ERICH6B: variants seen among roughly 807,000 people sequenced by gnomAD.
The protein encoded by ERICH6B is glutamate rich 6B, also known as glutamate-rich protein 6B.
ERICH6B carries 69 observed loss-of-function variants against 80.0 expected under a neutral mutation model. The ratio of observed to expected loss-of-function variants is 0.86; its 90% CI spans 0.71 to 1.05. The LOEUF (loss-of-function observed/expected upper bound fraction) is 1.05. ERICH6B is among the 50% of genes least tolerant of loss of function. The pLI is 0.00. For synonymous variants in ERICH6B, 283 were observed against 291.9 expected (o/e 0.97, Z 0.31); for missense variants, 754 against 796.1 (o/e 0.95, Z 0.64).
chr13:45,575,058 C>T (rs1471376398), intron 7 of ERICH6B, 128 bp from the exon 8 acceptor site: 4 of 628,472 alleles, frequency 6.4e-6, no homozygotes, highest in African/African-American at 5.6e-5. Context: ...ATGCATACAT[C>T]ATCAATGAGA....
rs370386353 is a variant in ERICH6B at position 45,566,431 on chromosome 13, C to T, written c.1187+1884G>A. On this transcript the variant is annotated intron_variant, in intron 9 of 14. Transcript: ENST00000298738. ...GCCCCTCCCATCACAGGCCTGAAGGCCTAGGAGGAAGAAATGGTTTCATGG... is the reference window on the plus strand; with the variant it reads ...GCCCCTCCCATCACAGGCCTGAAGGTCTAGGAGGAAGAAATGGTTTCATGG... Among the ~76,000 whole-genome samples, 376 of 152,328 alleles carry T rather than the reference C, an allele frequency of 2.5e-3. 3 individuals are homozygous for T. Among genetic ancestry groups the T allele is most frequent in the African/African-American group, 8.4e-3 (348 of 41,568 alleles).
At chr13:45,590,338 CT>C (rs1000978191) in intron 4 of ERICH6B, among the ~76,000 whole-genome samples, 3 of 152,074 alleles carry the variant, frequency 2.0e-5, no homozygotes, top group Non-Finnish European at 4.4e-5. Flanking sequence ...ATCTGCTCCC[CT>C]GAGAGCACTG....
chr13:45,574,841 C>A lies in ERICH6B; in HGVS notation c.1050+1G>T, dbSNP rs201946586. 2.6e-6 allele frequency: 4 copies of A among 1,547,030 alleles called. No homozygotes were observed. In the East Asian group the frequency reaches 9.8e-5, roughly 38 times the overall value. ...GGGTCTCAAGTTTTTATCCAACTTA[C>A]GTTTTCATCTAAATCTTCCACTTCC... On this transcript the variant is annotated splice_donor_variant, in intron 8 of 14. Transcript: ENST00000298738. LOFTEE classifies it high-confidence loss of function.
chr13:45,570,566 C>T (rs1462032550), intron 8 of ERICH6B, among the ~76,000 whole-genome samples: 1 of 152,200 alleles, frequency 6.6e-6, no homozygotes, highest in Non-Finnish European at 1.5e-5. Flanking sequence ...TGGCTTGTAC[C>T]CCTCTGGTTT....
intron 5 of ERICH6B, among the ~76,000 whole-genome samples, chr13:45,584,589 A>G (rs1875817893): frequency 6.6e-6 from 1 of 152,208 alleles, no homozygotes; most frequent in Non-Finnish European, 1.5e-5. Flanking sequence ...CTGGTTAAGA[A>G]TGCAGATTCC....
At chr13:45,580,004 G>A in intron 6 of ERICH6B, 30 bp from the exon 7 acceptor site, 1 of 1,503,816 alleles carries the variant, frequency 6.6e-7, no homozygotes, top group South Asian at 1.2e-5. Flanking sequence ...ATTATTAACA[G>A]GATACGGTAT....
chr13:45,580,316 A>G (rs1480368956), intron 6 of ERICH6B, among the ~76,000 whole-genome samples: 2 of 152,232 alleles, frequency 1.3e-5, no homozygotes, highest in African/African-American at 2.4e-5. Flanking sequence ...AAGTATGGGT[A>G]ACAACATTAT....
intron 10 of ERICH6B, among the ~76,000 whole-genome samples, chr13:45,563,161 G>T (rs1477294667): frequency 6.6e-6 from 1 of 152,058 alleles, no homozygotes; most frequent in Non-Finnish European, 1.5e-5. Flanking sequence ...TGGTCTCTTG[G>T]TAAAGGAGCT....
intron 2 of ERICH6B, among the ~76,000 whole-genome samples, chr13:45,600,856 G>A (rs1949823034): frequency 6.6e-6 from 1 of 152,130 alleles, no homozygotes; most frequent in South Asian, 2.1e-4. Context: ...CCTCTGGGTT[G>A]ATACCCAGGA....
chr13:45,597,207 A>T (rs1394579005), intron 2 of ERICH6B, 144 bp from the exon 3 acceptor site: 2 of 568,870 alleles, frequency 3.5e-6, no homozygotes, highest in African/African-American at 3.7e-5. Context: ...GGCCAGTGAA[A>T]AAGGCACAAG....
chr13:45,593,489 T>C (rs796606828), intron 3 of ERICH6B, among the ~76,000 whole-genome samples: 1 of 152,214 alleles, frequency 6.6e-6, no homozygotes, highest in South Asian at 2.1e-4. Flanking sequence ...TCTTAATGAT[T>C]TACCCAATTA....
chr13:45,550,727 C>T (rs1246041459), intron 11 of ERICH6B, among the ~76,000 whole-genome samples: 1 of 152,156 alleles, frequency 6.6e-6, no homozygotes, highest in Non-Finnish European at 1.5e-5. Context: ...TTTCTCTTGG[C>T]TTTTGATGAT....
intron 8 of ERICH6B, among the ~76,000 whole-genome samples, chr13:45,574,523 C>A (rs1389007974): frequency 1.3e-5 from 2 of 152,064 alleles, no homozygotes; most frequent in African/African-American, 4.8e-5. Flanking sequence ...CACAGGCCTG[C>A]AGAGATGGGA....
chr13:45,597,470 A>C (rs1040441156), intron 2 of ERICH6B, among the ~76,000 whole-genome samples: 1 of 152,248 alleles, frequency 6.6e-6, no homozygotes, highest in Non-Finnish European at 1.5e-5. Flanking sequence ...ATTACTAAAC[A>C]CAAGTGACCA....
intron 1 of ERICH6B, among the ~76,000 whole-genome samples, chr13:45,610,057 C>T (rs951953360): frequency 5.3e-5 from 8 of 152,150 alleles, no homozygotes; most frequent in Non-Finnish European, 1.2e-4. Flanking sequence ...ACCACCAGGC[C>T]AGGAGGAGAG....
Position 45,556,416 on chromosome 13 carries a change from A to T in ERICH6B, c.1407+4953T>A, listed in dbSNP as rs564112219. 1.5e-3 allele frequency among the ~76,000 whole-genome samples: 233 copies of T among 151,842 alleles called. 2 individuals are homozygous for T. Among genetic ancestry groups the T allele is most frequent in the African/African-American group, 4.8e-3 (197 of 41,398 alleles). On this transcript the variant is annotated intron_variant, in intron 11 of 14. Transcript: ENST00000298738. ...CTCAATTACTCTAATTTTTTTTCCC[A>T]TAGGTTTTTGGGGAACAGGTGGTAT...
At chr13:45,603,065 G>A (rs138829768) in intron 2 of ERICH6B, among the ~76,000 whole-genome samples, 10 of 152,316 alleles carry the variant, frequency 6.6e-5, no homozygotes, top group Non-Finnish European at 1.2e-4. Context: ...GGGGCCCCTA[G>A]TGTAAGTCCT....
chr13:45,575,408 G>A (rs575226261), intron 7 of ERICH6B, among the ~76,000 whole-genome samples: 2 of 152,258 alleles, frequency 1.3e-5, no homozygotes, highest in South Asian at 2.1e-4. Flanking sequence ...TGCACATCCC[G>A]AGGGGAGGTC....
In ERICH6B at chr13:45,587,148, A is replaced by C; in HGVS notation, c.771T>G (p.Ser257=). The part of the protein sequence containing the change: ...TFATPSPVSE[S]ATESSELLLT... ...GAAGCAACTCAGAAGACTCTGTGGC[A>C]GATTCAGAGACAGGAGAAGGGGTAG... is the stretch of plus-strand genomic sequence containing the variant. Residue 257 remains serine, a synonymous_variant, in exon 5 of 15, where the codon TCT becomes TCG. Transcript: ENST00000298738. 1.3e-6 allele frequency: 2 copies of C among 1,551,712 alleles called. No individual in the cohort carries two copies. Among genetic ancestry groups the C allele is most frequent in the Admixed American group, 3.9e-5 (2 of 51,008 alleles).
Sources: gnomAD v4.1 joint callset for allele counts (sites outside exome capture counted in the v4.1 genomes callset) on GRCh38, gnomAD v4.1.1 for gene constraint, MANE v1.5 for transcripts, NCBI Gene and HGNC (gene_info 2026-07-23, HGNC 2026-07-21) for gene names.